FUBP1: variants seen among roughly 807,000 people sequenced by gnomAD.
The protein encoded by FUBP1 is far upstream element-binding protein 1.
A neutral mutation model predicts 94.9 loss-of-function variants in FUBP1; 16 were observed. The observed-to-expected ratio is 0.17, with a 90% CI of 0.11 to 0.26. The LOEUF is 0.26. FUBP1 is among the 10% of genes least tolerant of loss of function. The pLI, the probability that FUBP1 is intolerant of heterozygous loss-of-function variation, is 1.00. For missense variants in FUBP1, 583 were observed against 808.6 expected (o/e 0.72, Z 3.38); for synonymous variants, 279 against 254.9 (o/e 1.09, Z -0.90).
intron 14 of FUBP1, among the ~76,000 whole-genome samples, chr1:77,961,923 T>C (rs1322403596): frequency 6.6e-6 from 1 of 152,206 alleles, no homozygotes; most frequent in Non-Finnish European, 1.5e-5. Context: ...AGACGTTCCT[T>C]AAGCGTCTTT....
intron 1 of FUBP1, among the ~76,000 whole-genome samples, chr1:77,970,278 G>C (rs1407059395): frequency 1.3e-5 from 2 of 151,942 alleles, no homozygotes; most frequent in African/African-American, 2.4e-5. Flanking sequence ...ATCCGGAAGA[G>C]AGACCAGATT....
rs772091539 is a variant in FUBP1, at chr1:77,948,717, GT to G, written c.*48del. 8 of 1,589,094 alleles carry G rather than the reference GT, an allele frequency of 5.0e-6. No individual in the cohort carries two copies. The highest frequency in any genetic ancestry group is 1.8e-5 in the Admixed American group (1 of 54,568). ...GTCTGCATCCATATATTTAACAAAG[GT>G]TTTTTTCCCCCACACAATGAAGCAA... On this transcript the variant is annotated 3_prime_UTR_variant, in exon 20 of 20. Transcript: ENST00000370768.
At chr1:77,952,775 G>A (rs1418665860) in intron 18 of FUBP1, among the ~76,000 whole-genome samples, 1 of 152,156 alleles carries the variant, frequency 6.6e-6, no homozygotes, top group African/African-American at 2.4e-5. Context: ...AAGACAAATT[G>A]ACTCCGTATG....
chr1:77,948,994 A>G, intron 19 of FUBP1, 161 bp downstream of exon 19: 1 of 919,452 alleles, frequency 1.1e-6, no homozygotes, highest in Non-Finnish European at 1.7e-6. Flanking sequence ...GCATTATAAA[A>G]AACAAAAAAA....
At chr1:77,974,586 A>G (rs1001880816) in intron 1 of FUBP1, among the ~76,000 whole-genome samples, 2 of 152,176 alleles carry the variant, frequency 1.3e-5, no homozygotes, top group Admixed American at 1.3e-4. Context: ...TTTCAAAGAC[A>G]ACGTCATAGT....
Position 77,948,210 on chromosome 1 carries a change from G to A in FUBP1, c.*556C>T. The A allele has an allele frequency of 9.5e-7, 1 of 1,050,834 alleles. No individual in the cohort carries two copies. The allele number at this position is 1,050,834 out of a possible 1,614,324, so 65.1% of individuals were successfully genotyped here. A position where few individuals can be genotyped will look rare whatever the true frequency, so the allele number is the denominator to read the frequency against. On this transcript the variant is annotated 3_prime_UTR_variant, in exon 20 of 20. Coordinates refer to ENST00000370768, the MANE Select transcript of FUBP1 (RefSeq NM_003902.5). Reference sequence around the variant, plus strand: ...TGAAGATATCAGGATTACTTGTGCTGAAAGAGCCAATACAATAAATGGAAA... The same window carrying A: ...TGAAGATATCAGGATTACTTGTGCTAAAAGAGCCAATACAATAAATGGAAA...
In FUBP1 at chr1:77,964,653, C is replaced by G. The variant is rs1049360493; in HGVS notation, c.830G>C (p.Gly277Ala). ...ATGGGTATTTTTACTTACATCTATCCCTTCATTTCCTCCTATTCTTGACCC... is the reference window on the plus strand; with the variant it reads ...ATGGGTATTTTTACTTACATCTATCGCTTCATTTCCTCCTATTCTTGACCC... ...EYGSRIGGNE[G>A]IDVPIPRFAV... Residue 277 changes from glycine to alanine, a missense_variant, in exon 10 of 20, where the codon GGG becomes GCG. Gly to Ala is a moderately conservative substitution (Grantham distance 60, BLOSUM62 0). Coordinates refer to ENST00000370768, the MANE Select transcript of FUBP1 (RefSeq NM_003902.5). The G allele has an allele frequency of 1.3e-6, 2 of 1,555,800 alleles. No homozygotes were observed. Among genetic ancestry groups the G allele is most frequent in the Non-Finnish European group, 1.8e-6 (2 of 1,127,206 alleles).
At position 77,964,057 on chromosome 1, in the gene FUBP1, CA is replaced by C; in HGVS notation, c.1041+4del. ...AAAAATGAAAATGTTAACTTTCTAT[CA>C]AACCTGAACACTTCGAAGAAGGTCT... On this transcript the variant is annotated splice_donor_region_variant and intron_variant, in intron 12 of 19. Transcript: ENST00000370768. The C allele has an allele frequency of 6.7e-7, 1 of 1,488,728 alleles. No homozygotes were observed. The highest frequency in any genetic ancestry group is 9.4e-7 in the Non-Finnish European group (1 of 1,066,570). The allele number at this position is 1,488,728 out of a possible 1,614,324, so 92.2% of individuals were successfully genotyped here. A position where few individuals can be genotyped will look rare whatever the true frequency, so the allele number is the denominator to read the frequency against.
chr1:77,960,727 ATTAAAT>A (rs1655301414), intron 14 of FUBP1: 2 of 421,398 alleles, frequency 4.7e-6, no homozygotes, highest in African/African-American at 2.1e-5. Context: ...TTTAAATTAA[ATTAAAT>A]TTAAATTAGC....
intron 4 of FUBP1, 57 bp from the exon 5 acceptor site, chr1:77,967,158 T>A: frequency 9.0e-7 from 1 of 1,105,244 alleles, no homozygotes; most frequent in Non-Finnish European, 1.3e-6. Flanking sequence ...TGTTTACAAA[T>A]AAAAGATAAT....
Position 77,945,259 on chromosome 1 carries a change from A to C in FUBP1, c.*3507T>G, listed in dbSNP as rs1284172241. Among the ~76,000 whole-genome samples, 2 of 152,002 alleles carry C rather than the reference A, an allele frequency of 1.3e-5. No homozygotes were observed. Among genetic ancestry groups the C allele is most frequent in the Admixed American group, 1.3e-4 (2 of 15,242 alleles). The stretch of plus-strand genomic sequence containing the variant: ...CTAACCAAAACTCAACAGGCTCTCA[A>C]GTTTCAATGAGCCCCTTTATATTAT... On this transcript the variant is annotated 3_prime_UTR_variant, in exon 20 of 20. Coordinates refer to ENST00000370768, the MANE Select transcript of FUBP1 (RefSeq NM_003902.5).
chr1:77,964,688 C>A lies in FUBP1; in HGVS notation c.795G>T (p.Arg265=), dbSNP rs1656145929. The change falls in exon 10 of 20, where the codon CGG becomes CGT. Residue 265 remains arginine (R), a synonymous_variant. Transcript: ENST00000370768. ...IRDQGGFREV[R]NEYGSRIGGN... is the part of the protein sequence containing the mutation. ...CTCCTATTCTTGACCCATACTCATTCCGAACTTCTCTGAAACCGCCTTGAT... is the reference window on the plus strand; with the variant it reads ...CTCCTATTCTTGACCCATACTCATTACGAACTTCTCTGAAACCGCCTTGAT... 1 of 1,612,280 alleles carries A rather than the reference C, an allele frequency of 6.2e-7. No homozygotes were observed. Among genetic ancestry groups the A allele is most frequent in the South Asian group, 1.1e-5 (1 of 91,040 alleles).
chr1:77,964,175 G>C lies in FUBP1; in HGVS notation c.941-13C>G. 1 of 1,581,508 alleles carries C rather than the reference G, an allele frequency of 6.3e-7. No individual in the cohort carries two copies. Among genetic ancestry groups the C allele is most frequent in the Non-Finnish European group, 8.7e-7 (1 of 1,150,462 alleles). ...GTTGTCCCATCATCTTCAAAACAAAGAAACAAAATTAATTAAACAATAAAT... is the reference window on the plus strand; with the variant it reads ...GTTGTCCCATCATCTTCAAAACAAACAAACAAAATTAATTAAACAATAAAT... On this transcript the variant is annotated splice_polypyrimidine_tract_variant and intron_variant, in intron 11 of 19. Coordinates refer to ENST00000370768, the MANE Select transcript of FUBP1 (RefSeq NM_003902.5).
intron 1 of FUBP1, among the ~76,000 whole-genome samples, chr1:77,972,711 A>G (rs995699085): frequency 1.3e-5 from 2 of 151,898 alleles, no homozygotes; most frequent in African/African-American, 4.8e-5. Context: ...GCAGTGAGCC[A>G]AGATCGCACC....
chr1:77,968,001 T>C (rs1297334551), intron 3 of FUBP1, among the ~76,000 whole-genome samples, 164 bp downstream of exon 3: 1 of 152,166 alleles, frequency 6.6e-6, no homozygotes, highest in Non-Finnish European at 1.5e-5. Context: ...ATGGGACAGA[T>C]TGTAAAATAG....
At position 77,948,094 on chromosome 1, in the gene FUBP1, T is replaced by G; in HGVS notation, c.*672A>C. ...ACAGGTCTGAAACAGTGGTCATGTA[T>G]AAAAGGAAATTTCACTGTTAATGCA... On this transcript the variant is annotated 3_prime_UTR_variant, in exon 20 of 20. Transcript: ENST00000370768. 9.7e-7 allele frequency: 1 copy of G among 1,034,082 alleles called. No homozygotes were observed. Among genetic ancestry groups the G allele is most frequent in the East Asian group, 6.1e-5 (1 of 16,494 alleles). The allele number at this position is 1,034,082 out of a possible 1,614,324, so 64.1% of individuals were successfully genotyped here.
intron 1 of FUBP1, among the ~76,000 whole-genome samples, chr1:77,972,655 G>A (rs959761167): frequency 1.3e-5 from 2 of 151,136 alleles, no homozygotes; most frequent in East Asian, 1.9e-4. Context: ...CCAGCTACTC[G>A]GGAGGCTCAG....
At position 77,948,058 on chromosome 1, in the gene FUBP1, A is replaced by G. The variant is rs1652550096; in HGVS notation, c.*708T>C. ...ATTAAGAACAGAAAGGTTAACTGTT[A>G]TAGCAGCAGTACAGGTCTGAAACAG... On this transcript the variant is annotated 3_prime_UTR_variant, in exon 20 of 20. Transcript: ENST00000370768. The G allele has an allele frequency of 4.8e-6, 5 of 1,032,764 alleles. No homozygotes were observed. Among genetic ancestry groups the G allele is most frequent in the Non-Finnish European group, 5.9e-6 (5 of 853,922 alleles). 64.0% of individuals were successfully genotyped at this position (1,032,764 alleles called of 1,614,324 possible). A position where few individuals can be genotyped will look rare whatever the true frequency, so the allele number is the denominator to read the frequency against.
At chr1:77,978,581 TG>T (rs751401954) in intron 1 of FUBP1, among the ~76,000 whole-genome samples, 5 of 152,366 alleles carry the variant, frequency 3.3e-5, no homozygotes, top group South Asian at 4.1e-4. Flanking sequence ...CTTTATCCCC[TG>T]GAAGAGGATC....
Sources: gnomAD v4.1 joint callset for allele counts (sites outside exome capture counted in the v4.1 genomes callset) on GRCh38, gnomAD v4.1.1 for gene constraint, MANE v1.5 for transcripts, NCBI Gene and HGNC (gene_info 2026-07-23, HGNC 2026-07-21) for gene names.